The following TANC2 variants were observed in gnomAD, a reference collection of about 807,000 sequenced individuals.
The protein encoded by TANC2 is protein TANC2.
In TANC2, 26 loss-of-function variants were observed where a neutral mutation model predicts 210.5. The observed-to-expected ratio is 0.12, with a 90% CI of 0.09 to 0.17. The LOEUF (loss-of-function observed/expected upper bound fraction) is 0.17. TANC2 is among the 10% of genes least tolerant of loss of function. The pLI is 1.00. For synonymous variants in TANC2, 931 were observed against 967.1 expected, an observed-to-expected ratio of 0.96 and a Z score of 0.69; for missense variants, 2,129 against 2,608.9, an observed-to-expected ratio of 0.82 and a Z score of 4.01.
intron 4 of TANC2, among the ~76,000 whole-genome samples, chr17:63,142,115 G>C (rs2039311580): frequency 6.6e-6 from 1 of 152,154 alleles, no homozygotes; most frequent in South Asian, 2.1e-4. Context: ...GATTTTCTAA[G>C]TCACTTGCTC....
intron 21 of TANC2, among the ~76,000 whole-genome samples, chr17:63,408,716 G>T (rs957112525): frequency 2.0e-5 from 3 of 152,228 alleles, no homozygotes; most frequent in African/African-American, 7.2e-5. Flanking sequence ...CTCCAGAGAT[G>T]CAAAGGTGAT....
intron 4 of TANC2, among the ~76,000 whole-genome samples, chr17:63,122,473 A>G (rs932045161): frequency 1.3e-5 from 2 of 152,244 alleles, no homozygotes; most frequent in Non-Finnish European, 2.9e-5. Context: ...CTAGTGGCTC[A>G]TGCCTGTAAT....
At position 63,413,085 on chromosome 17, in the gene TANC2, G is replaced by C. The variant is rs550593567; in HGVS notation, c.3928+376G>C. ...TACTTATCATTTAAGGGAAACTTTA[G>C]AGTTATCAGTGGTTTCCCTTCTGCA... is the stretch of plus-strand genomic sequence containing the variant. On this transcript the variant is annotated intron_variant, in intron 24 of 27. Transcript: ENST00000689528. 666 of 237,640 alleles carry C rather than the reference G, an allele frequency of 2.8e-3. 5 individuals carry two copies. Among genetic ancestry groups the C allele is most frequent in the African/African-American group, 0.014 (639 of 44,330 alleles). The allele number at this position is 237,640 out of a possible 1,614,324, so 14.7% of individuals were successfully genotyped here.
At chr17:63,364,823 A>C (rs1427642778) in intron 14 of TANC2, among the ~76,000 whole-genome samples, 1 of 152,160 alleles carries the variant, frequency 6.6e-6, no homozygotes, top group Non-Finnish European at 1.5e-5. Context: ...CCAACTAATG[A>C]AAACACAGAG....
At chr17:63,257,730 A>G (rs947947391) in intron 8 of TANC2, among the ~76,000 whole-genome samples, 4 of 152,184 alleles carry the variant, frequency 2.6e-5, no homozygotes, top group African/African-American at 9.7e-5. Flanking sequence ...AAACAAACCA[A>G]CTAATAAGCA....
Position 63,421,984 on chromosome 17 carries a change from T to G in TANC2, c.*29T>G. The G allele has an allele frequency of 6.4e-7, 1 of 1,556,278 alleles. No individual in the cohort carries two copies. The highest frequency in any genetic ancestry group is 2.3e-5 in the East Asian group (1 of 44,412). On this transcript the variant is annotated 3_prime_UTR_variant, in exon 28 of 28. Transcript: ENST00000689528. The surrounding 1 kb of genome is among the most constrained non-coding windows in gnomAD (Gnocchi z 6.9). The stretch of plus-strand genomic sequence containing the variant: ...ACGTTTTGTTGGAGTGAGACCCATA[T>G]GTTTTCACTGCACATTTTCAGGCTT...
rs543165038 is a variant in TANC2 at position 63,391,104 on chromosome 17, G to A, written c.3051+1560G>A. On this transcript the variant is annotated intron_variant, in intron 17 of 27. Transcript: ENST00000689528. The stretch of plus-strand genomic sequence containing the variant: ...CCCACGGTGTTGCTCATTCTCTCAC[G>A]TTATTTCATTCTTTTTCTAAATTCA... 5 of 152,164 alleles carry A rather than the reference G, an allele frequency of 3.3e-5. No individual in the cohort carries two copies. The East Asian group carries it at 5.8e-4, about 18-fold the overall frequency. 9.4% of individuals were successfully genotyped at this position (152,164 alleles called of 1,614,324 possible).
At chr17:63,306,489 A>T (rs768772532) in intron 9 of TANC2, among the ~76,000 whole-genome samples, 9 of 152,240 alleles carry the variant, frequency 5.9e-5, no homozygotes, top group Admixed American at 2.6e-4. Context: ...CTATGTACTG[A>T]TACAGTGATG....
chr17:63,119,530 C>T (rs192700667), intron 4 of TANC2, among the ~76,000 whole-genome samples: 93 of 152,154 alleles, frequency 6.1e-4, no homozygotes, highest in Middle Eastern at 3.4e-3. Flanking sequence ...TCATCTATAA[C>T]GGATCAAATA....
intron 1 of TANC2, among the ~76,000 whole-genome samples, chr17:62,969,857 A>G (rs1375173745): frequency 6.6e-6 from 1 of 152,170 alleles, no homozygotes; most frequent in Non-Finnish European, 1.5e-5. Flanking sequence ...TTTCATTTAT[A>G]TTAAAAACTA....
chr17:63,087,124 G>A (rs2037000022), intron 3 of TANC2, among the ~76,000 whole-genome samples: 2 of 152,220 alleles, frequency 1.3e-5, no homozygotes, highest in South Asian at 4.1e-4. Flanking sequence ...CTGTGTCAGT[G>A]AGACCACAAA....
intron 5 of TANC2, among the ~76,000 whole-genome samples, chr17:63,155,944 T>C (rs1245955130): frequency 2.6e-5 from 4 of 152,208 alleles, no homozygotes; most frequent in Non-Finnish European, 5.9e-5. Context: ...TGAACTGTCT[T>C]TTCCCAACTC....
intron 9 of TANC2, among the ~76,000 whole-genome samples, chr17:63,277,270 A>G (rs1330037934): frequency 6.9e-6 from 1 of 145,718 alleles, no homozygotes; most frequent in Non-Finnish European, 1.5e-5. Context: ...TGGTCTTTCC[A>G]TCTTCTTCTT....
intron 2 of TANC2, among the ~76,000 whole-genome samples, chr17:63,032,375 A>G (rs1462412760): frequency 1.3e-5 from 2 of 152,108 alleles, no homozygotes; most frequent in East Asian, 3.9e-4. Context: ...TCCCAGTGCA[A>G]ATCATCTATG....
intron 12 of TANC2, among the ~76,000 whole-genome samples, chr17:63,342,769 C>T (rs8066081): frequency 0.068 from 10,413 of 152,076 alleles, 1,136 homozygotes; most frequent in African/African-American, 0.23. Flanking sequence ...GAGTGAGACT[C>T]CGTCTCAAAA....
intron 2 of TANC2, among the ~76,000 whole-genome samples, chr17:63,026,098 G>A (rs114736020): frequency 5.9e-5 from 9 of 151,710 alleles, no homozygotes; most frequent in African/African-American, 1.7e-4. Flanking sequence ...TCACCTTCTC[G>A]GTGAAGTCTT....
rs924548750 is a variant in TANC2 at position 63,045,037 on chromosome 17, A to G, written c.68-28906A>G. Among the ~76,000 whole-genome samples, 3 of 152,194 alleles carry G rather than the reference A, an allele frequency of 2.0e-5. 1 individual carries two copies. Among genetic ancestry groups the G allele is most frequent in the African/African-American group, 7.2e-5 (3 of 41,454 alleles). On this transcript the variant is annotated intron_variant, in intron 2 of 27. Transcript: ENST00000689528. Reference sequence around the variant, plus strand: ...CCTGTGAGCTAAGGATGGTTTTCCCATTTATTTTCCAATCATTCCGAAAAA... The same window carrying G: ...CCTGTGAGCTAAGGATGGTTTTCCCGTTTATTTTCCAATCATTCCGAAAAA...
chr17:63,223,302 G>A (rs1001001813), intron 7 of TANC2, among the ~76,000 whole-genome samples: 9 of 152,184 alleles, frequency 5.9e-5, no homozygotes, highest in Non-Finnish European at 1.0e-4. Context: ...TCAAGAAAGA[G>A]TTCAAGAGTG....
chr17:63,213,984 G>T (rs182945258), intron 7 of TANC2, among the ~76,000 whole-genome samples: 1 of 152,270 alleles, frequency 6.6e-6, no homozygotes, highest in Non-Finnish European at 1.5e-5. Context: ...TGAAGGAAAG[G>T]GGGAGTGAGA....
Sources: allele counts gnomAD v4.1 joint callset (sites outside exome capture counted in the v4.1 genomes callset), GRCh38; gene constraint gnomAD v4.1.1; non-coding constraint Gnocchi (gnomAD v3.1); transcripts MANE v1.5; gene names NCBI Gene and HGNC (gene_info 2026-07-23, HGNC 2026-07-21).